Variants in THSD7A observed in about 807,000 individuals in gnomAD.
The protein encoded by THSD7A is thrombospondin type 1 domain containing 7A.
In THSD7A, 96 loss-of-function variants were observed where a neutral mutation model predicts 231.3. That is an observed-to-expected ratio of 0.41 (90% CI 0.35 to 0.49). The LOEUF is 0.49. Among genes scored for constraint, THSD7A ranks in the 20% least tolerant of loss-of-function variants. The pLI, the probability that THSD7A is intolerant of heterozygous loss-of-function variation, is 0.05. For missense variants in THSD7A, 2,290 were observed against 2,070.2 expected (o/e 1.11, Z -2.06); for synonymous variants, 940 against 743.3 (o/e 1.26, Z -4.30).
intron 6 of THSD7A, among the ~76,000 whole-genome samples, chr7:11,490,592 T>C (rs1786848649): frequency 6.6e-6 from 1 of 152,106 alleles, no homozygotes; most frequent in South Asian, 2.1e-4. Context: ...CAAATGCACA[T>C]GTATTTTGAA....
chr7:11,569,109 C>T (rs1790512245), intron 4 of THSD7A, among the ~76,000 whole-genome samples: 1 of 151,940 alleles, frequency 6.6e-6, no homozygotes. Context: ...CAAGCAAATG[C>T]TTCAGGACAT....
intron 1 of THSD7A, chr7:11,821,037 A>G: frequency 1.0e-6 from 1 of 981,438 alleles, no homozygotes. Flanking sequence ...GGGACTTTTC[A>G]TTTCATCACG....
At chr7:11,571,797 T>C (rs949540886) in intron 4 of THSD7A, among the ~76,000 whole-genome samples, 14 of 148,426 alleles carry the variant, frequency 9.4e-5, no homozygotes, top group African/African-American at 2.2e-4. Flanking sequence ...CATGTATGTA[T>C]TGTATCTTTT....
At chr7:11,390,856 G>T (rs1389167580) in intron 23 of THSD7A, among the ~76,000 whole-genome samples, 2 of 152,176 alleles carry the variant, frequency 1.3e-5, no homozygotes, top group Admixed American at 1.3e-4. Flanking sequence ...AGAACCCTCT[G>T]CTGCAGGTCT....
intron 6 of THSD7A, among the ~76,000 whole-genome samples, chr7:11,513,895 TC>T (rs1280405688): frequency 6.7e-6 from 1 of 150,098 alleles, no homozygotes; most frequent in Non-Finnish European, 1.5e-5. Flanking sequence ...TTCATCCCCC[TC>T]CCCCCTTACA....
chr7:11,518,598 A>AAC (rs138134072), intron 6 of THSD7A, among the ~76,000 whole-genome samples: 59,944 of 149,952 alleles, frequency 0.4, 12,336 homozygotes, highest in Non-Finnish European at 0.47. Flanking sequence ...ATAAAATAGA[A>AAC]ACACACACAC....
At position 11,784,063 on chromosome 7, in the gene THSD7A, G is replaced by A. The variant is rs754605100; in HGVS notation, c.190+47694C>T. 4.7e-4 allele frequency among the ~76,000 whole-genome samples: 71 copies of A among 151,608 alleles called. 3 individuals are homozygous for A. Among genetic ancestry groups the A allele is most frequent in the Non-Finnish European group, 2.2e-4 (15 of 67,884 alleles). On this transcript the variant is annotated intron_variant, in intron 1 of 27. Coordinates refer to ENST00000423059, the MANE Select transcript of THSD7A (RefSeq NM_015204.3). ...ATATTAGAGTTAGCAAGTTCACATCGCACAGAAAGTTACAAAATAAAAGTA... is the reference window on the plus strand; with the variant it reads ...ATATTAGAGTTAGCAAGTTCACATCACACAGAAAGTTACAAAATAAAAGTA...
intron 3 of THSD7A, among the ~76,000 whole-genome samples, chr7:11,591,458 T>C (rs1465285158): frequency 6.6e-6 from 1 of 152,128 alleles, no homozygotes; most frequent in Non-Finnish European, 1.5e-5. Context: ...TAGCACTTTG[T>C]GTCACTTTAA....
intron 7 of THSD7A, among the ~76,000 whole-genome samples, chr7:11,481,255 C>T (rs1004839457): frequency 3.3e-5 from 5 of 152,068 alleles, no homozygotes; most frequent in African/African-American, 1.2e-4. Flanking sequence ...TAAAAATGAA[C>T]AAAATTTACA....
At chr7:11,797,889 G>A (rs1394807915) in intron 1 of THSD7A, among the ~76,000 whole-genome samples, 1 of 152,088 alleles carries the variant, frequency 6.6e-6, no homozygotes, top group Non-Finnish European at 1.5e-5. Context: ...AATTAATACA[G>A]AGTCATCTAG....
At chr7:11,645,048 C>A (rs139836152) in intron 1 of THSD7A, among the ~76,000 whole-genome samples, 1 of 151,926 alleles carries the variant, frequency 6.6e-6, no homozygotes, top group Non-Finnish European at 1.5e-5. Flanking sequence ...TGTTGCCCAA[C>A]TGATTTTTCA....
intron 1 of THSD7A, among the ~76,000 whole-genome samples, chr7:11,722,297 G>T (rs1194938610): frequency 6.6e-6 from 1 of 151,874 alleles, no homozygotes; most frequent in Non-Finnish European, 1.5e-5. Context: ...TATGGGAAGG[G>T]GGTGAATACT....
chr7:11,567,722 A>C (rs1431036746), intron 4 of THSD7A, among the ~76,000 whole-genome samples: 1 of 152,140 alleles, frequency 6.6e-6, no homozygotes, highest in Non-Finnish European at 1.5e-5. Context: ...AAGAGATAAG[A>C]TTGCAAACCA....
chr7:11,472,866 C>T (rs1042814857), intron 8 of THSD7A, among the ~76,000 whole-genome samples: 3 of 152,176 alleles, frequency 2.0e-5, no homozygotes, highest in African/African-American at 7.2e-5. Context: ...TGCGCCACAA[C>T]AGGTTGGTCC....
chr7:11,662,961 T>C (rs763896235), intron 1 of THSD7A, among the ~76,000 whole-genome samples: 17 of 151,088 alleles, frequency 1.1e-4, no homozygotes, highest in Non-Finnish European at 2.2e-4. Flanking sequence ...GAAAGAAGGC[T>C]GTAAAAACTA....
chr7:11,402,541 C>G (rs919661800), intron 22 of THSD7A, among the ~76,000 whole-genome samples: 4 of 152,148 alleles, frequency 2.6e-5, no homozygotes, highest in Non-Finnish European at 4.4e-5. Context: ...ATCAACTTCT[C>G]TTTAAAATAT....
rs1248120314 is a variant in THSD7A, at chr7:11,514,415, A to C, written c.1822+27004T>G. On this transcript the variant is annotated intron_variant, in intron 6 of 27. Coordinates refer to ENST00000423059, the MANE Select transcript of THSD7A (RefSeq NM_015204.3). Reference sequence around the variant, plus strand: ...ATGAGTATTTTGTATATAAAGTTCCAAAACAAGTAAACATGATATGTTTAG... The same window carrying C: ...ATGAGTATTTTGTATATAAAGTTCCCAAACAAGTAAACATGATATGTTTAG... Among the ~76,000 whole-genome samples, 7 of 152,190 alleles carry C rather than the reference A, an allele frequency of 4.6e-5. No individual in the cohort carries two copies. In the East Asian group the frequency reaches 1.3e-3, roughly 29 times the overall value.
chr7:11,636,557 C>T lies in THSD7A; in HGVS notation c.595G>A (p.Glu199Lys), dbSNP rs760394880. 1.2e-5 allele frequency: 20 copies of T among 1,613,876 alleles called. No homozygotes were observed. Among genetic ancestry groups the T allele is most frequent in the Admixed American group, 1.2e-4 (7 of 60,004 alleles). ...IPCQQDCIVS[E>K]FSAWSECSKT... The stretch of plus-strand genomic sequence containing the variant: ...GAGCATTCGGACCAGGCAGAAAATT[C>T]AGACACGATGCAATCTTGCTGGCAA... The change falls in exon 2 of 28, where the codon GAA becomes AAA. Residue 199 changes from glutamate (E) to lysine (K), a missense_variant. By Grantham distance (56) the Glu-to-Lys change is moderately conservative. Transcript: ENST00000423059. The surrounding 1 kb of genome is among the most constrained non-coding windows in gnomAD (Gnocchi z 10.0).
Position 11,446,128 on chromosome 7 carries a change from A to G in THSD7A, c.2997T>C (p.Arg999=). ...GDIKECGQGY[R]YQAMACYDQN... is the part of the protein sequence containing the mutation. ...GATCGTAGCATGCCATTGCTTGGTA[A>G]CGATATCCTTGTCCGCATTCCTTGA... Residue 999 remains arginine, a synonymous_variant, in exon 13 of 28, where the codon CGT becomes CGC. Coordinates refer to ENST00000423059, the MANE Select transcript of THSD7A (RefSeq NM_015204.3). This position sits in a 1 kb window ranked among gnomAD's most constrained non-coding sequence, Gnocchi z 4.0. 1 of 1,613,448 alleles carries G rather than the reference A, an allele frequency of 6.2e-7. No homozygotes were observed. Among genetic ancestry groups the G allele is most frequent in the South Asian group, 1.1e-5 (1 of 91,070 alleles).
Sources: allele counts gnomAD v4.1 joint callset (sites outside exome capture counted in the v4.1 genomes callset), GRCh38; gene constraint gnomAD v4.1.1; non-coding constraint Gnocchi (gnomAD v3.1); transcripts MANE v1.5; gene names NCBI Gene and HGNC (gene_info 2026-07-23, HGNC 2026-07-21).